THSD7B: variants seen among roughly 807,000 people sequenced by gnomAD.
THSD7B encodes thrombospondin type 1 domain containing 7B.
THSD7B carries 138 observed loss-of-function variants against 213.6 expected under a neutral mutation model. That is an observed-to-expected ratio of 0.65 (90% CI 0.56 to 0.74). The LOEUF (loss-of-function observed/expected upper bound fraction) is 0.74, where lower values mean the gene tolerates loss of function less well. Ranked by LOEUF, THSD7B falls within the 30% of genes least tolerant of loss-of-function variation. The pLI is 0.00. For synonymous variants in THSD7B, 742 were observed against 687.0 expected, an observed-to-expected ratio of 1.08 and a Z score of -1.25; for missense variants, 1,931 against 1,991.5, an observed-to-expected ratio of 0.97 and a Z score of 0.58.
intron 7 of THSD7B, among the ~76,000 whole-genome samples, chr2:137,197,551 A>T (rs2105020771): frequency 6.6e-6 from 1 of 152,234 alleles, no homozygotes; most frequent in South Asian, 2.1e-4. Context: ...TTAAAAAGAG[A>T]AATTAGGACC....
intron 7 of THSD7B, among the ~76,000 whole-genome samples, chr2:137,184,081 T>C (rs1023026236): frequency 6.6e-6 from 1 of 152,166 alleles, no homozygotes; most frequent in Non-Finnish European, 1.5e-5. Flanking sequence ...TTCTGCAAGC[T>C]GGAAATCCAA....
chr2:137,618,686 A>T (rs1682456171), intron 19 of THSD7B, among the ~76,000 whole-genome samples, 179 bp downstream of exon 19: 1 of 152,246 alleles, frequency 6.6e-6, no homozygotes, highest in South Asian at 2.1e-4. Context: ...AATTTAGTCA[A>T]AATGACTGGG....
intron 12 of THSD7B, among the ~76,000 whole-genome samples, chr2:137,375,031 C>T (rs1228023331): frequency 6.6e-6 from 1 of 152,136 alleles, no homozygotes; most frequent in Admixed American, 6.6e-5. Flanking sequence ...AGACTTGAAG[C>T]AAATGTGTAG....
chr2:137,181,610 C>T (rs912961816), intron 7 of THSD7B, among the ~76,000 whole-genome samples: 1 of 152,128 alleles, frequency 6.6e-6, no homozygotes, highest in Admixed American at 6.5e-5. Flanking sequence ...AGGGTTTCTG[C>T]AGGGGAATCT....
chr2:136,820,885 C>T (rs1402917501), intron 1 of THSD7B, among the ~76,000 whole-genome samples: 1 of 151,798 alleles, frequency 6.6e-6, no homozygotes, highest in African/African-American at 2.4e-5. Flanking sequence ...GGGAGAGAGA[C>T]AGAGACAGAG....
intron 1 of THSD7B, among the ~76,000 whole-genome samples, chr2:136,822,869 C>G (rs1344178484): frequency 1.3e-5 from 2 of 152,128 alleles, no homozygotes; most frequent in African/African-American, 4.8e-5. Context: ...TCTGACTTCC[C>G]TAGAAAGTAG....
At chr2:137,129,881 T>C (rs1489009435) in intron 5 of THSD7B, among the ~76,000 whole-genome samples, 1 of 152,204 alleles carries the variant, frequency 6.6e-6, no homozygotes, top group East Asian at 1.9e-4. Context: ...ATTCTAAATA[T>C]CTCATCACTG....
At chr2:137,394,147 C>T (rs1329412260) in intron 12 of THSD7B, among the ~76,000 whole-genome samples, 2 of 113,530 alleles carry the variant, frequency 1.8e-5, no homozygotes, top group African/African-American at 6.3e-5. Flanking sequence ...TTTTGCTGTG[C>T]AGAAGCTCTT....
In THSD7B at chr2:137,150,251, AAAAAAAG is replaced by A. The variant is rs1407567671; in HGVS notation, c.1370-9956_1370-9950del. 8.5e-5 allele frequency among the ~76,000 whole-genome samples: 13 copies of A among 152,060 alleles called. No individual in the cohort carries two copies. The East Asian group carries it at 2.1e-3, about 25-fold the overall frequency. Reference sequence around the variant, plus strand: ...GAGTGAAATTCTGTCTCAAAAAAAAAAAAAAAGAAAAAGAAAAAGAAAGAAATGTGAA... The same window carrying A: ...GAGTGAAATTCTGTCTCAAAAAAAAAAAAAAGAAAAAGAAAGAAATGTGAA... On this transcript the variant is annotated intron_variant, in intron 5 of 27. Coordinates refer to ENST00000409968, the MANE Select transcript of THSD7B (RefSeq NM_001316349.2).
chr2:137,676,679 GT>G lies in THSD7B; in HGVS notation c.*80del. 6 of 1,329,876 alleles carry G rather than the reference GT, an allele frequency of 4.5e-6. No individual in the cohort carries two copies. The highest frequency in any genetic ancestry group is 6.1e-6 in the Non-Finnish European group (6 of 986,298). The allele number at this position is 1,329,876 out of a possible 1,614,324, so 82.4% of individuals were successfully genotyped here. ...TCTTTTGTAGCTCTCAGACTTCTCA[GT>G]TTTTTGAGGAATCTCAAGATGTGAT... On this transcript the variant is annotated 3_prime_UTR_variant, in exon 28 of 28. Coordinates refer to ENST00000409968, the MANE Select transcript of THSD7B (RefSeq NM_001316349.2).
intron 12 of THSD7B, among the ~76,000 whole-genome samples, chr2:137,303,121 G>A (rs1481267746): frequency 1.3e-5 from 2 of 152,172 alleles, no homozygotes; most frequent in African/African-American, 2.4e-5. Context: ...TCCTGCCTGA[G>A]CCTGCCAAGT....
chr2:137,056,334 G>T, intron 2 of THSD7B, 86 bp from the exon 3 acceptor site: 1 of 1,359,446 alleles, frequency 7.4e-7, no homozygotes, highest in Non-Finnish European at 9.9e-7. Context: ...GCTTGTGTTG[G>T]AAAGTGTGTT....
At chr2:137,001,451 T>C (rs1408167266) in intron 2 of THSD7B, among the ~76,000 whole-genome samples, 1 of 152,180 alleles carries the variant, frequency 6.6e-6, no homozygotes, top group Admixed American at 6.6e-5. Flanking sequence ...GCTGAGATAA[T>C]AATTATTATT....
chr2:137,430,870 A>G (rs572194070), intron 14 of THSD7B, among the ~76,000 whole-genome samples: 1 of 152,338 alleles, frequency 6.6e-6, no homozygotes, highest in South Asian at 2.1e-4. Flanking sequence ...GGAATCCAGA[A>G]TAAGGTAGAA....
At chr2:136,825,403 C>T (rs1198168075) in intron 1 of THSD7B, among the ~76,000 whole-genome samples, 2 of 152,142 alleles carry the variant, frequency 1.3e-5, no homozygotes, top group African/African-American at 4.8e-5. Context: ...GAAAGCTGTA[C>T]TGATTACCCT....
chr2:137,642,738 CT>C, intron 21 of THSD7B, 105 bp downstream of exon 21: 1 of 1,331,554 alleles, frequency 7.5e-7, no homozygotes, highest in Non-Finnish European at 1.0e-6. Context: ...CACCAGGGGT[CT>C]GGCACAATGT....
intron 2 of THSD7B, among the ~76,000 whole-genome samples, chr2:136,897,158 G>A (rs1683974334): frequency 6.6e-6 from 1 of 152,052 alleles, no homozygotes; most frequent in Non-Finnish European, 1.5e-5. Context: ...GTCTCACTGT[G>A]TTGCCTAGAG....
chr2:136,843,623 C>T (rs1682952132), intron 1 of THSD7B, among the ~76,000 whole-genome samples: 1 of 152,176 alleles, frequency 6.6e-6, no homozygotes, highest in African/African-American at 2.4e-5. Context: ...GTAGAACCAA[C>T]AGTGAGCTCA....
intron 12 of THSD7B, among the ~76,000 whole-genome samples, chr2:137,354,755 C>T (rs888441075): frequency 1.1e-4 from 16 of 151,080 alleles, no homozygotes; most frequent in East Asian, 3.9e-4. Flanking sequence ...TACTTTTGTC[C>T]GAAAAACAGC....
Sources: allele counts gnomAD v4.1 joint callset (sites outside exome capture counted in the v4.1 genomes callset), GRCh38; gene constraint gnomAD v4.1.1; transcripts MANE v1.5; gene names NCBI Gene and HGNC (gene_info 2026-07-23, HGNC 2026-07-21).